Variants in CBX6 observed in about 807,000 individuals in gnomAD.
The protein encoded by CBX6 is chromobox protein homolog 6.
In CBX6, 7 loss-of-function variants were observed where a neutral mutation model predicts 28.4. The ratio of observed to expected loss-of-function variants is 0.25; its 90% CI spans 0.14 to 0.46. The LOEUF (loss-of-function observed/expected upper bound fraction) is 0.46. Among genes scored for constraint, CBX6 ranks in the 20% least tolerant of loss-of-function variants. The pLI is 0.99. For missense variants in CBX6, 512 were observed against 606.1 expected (o/e 0.84, Z 1.63); for synonymous variants, 297 against 273.4 (o/e 1.09, Z -0.85).
Position 38,871,277 on chromosome 22 carries a change from C to T in CBX6, c.246+203G>A. 1.5e-6 allele frequency: 1 copy of T among 656,118 alleles called. No individual in the cohort carries two copies. Among genetic ancestry groups the T allele is most frequent in the Non-Finnish European group, 2.7e-6 (1 of 368,020 alleles). The allele number at this position is 656,118 out of a possible 1,614,324, so 40.6% of individuals were successfully genotyped here. On this transcript the variant is annotated intron_variant, in intron 4 of 4. Coordinates refer to ENST00000407418, the MANE Select transcript of CBX6 (RefSeq NM_014292.5). The surrounding 1 kb of genome is among the most constrained non-coding windows in gnomAD (Gnocchi z 5.6). ...GGAGGATTATCCCCAGTCCCAAAAC[C>T]CTCTTGTTGAAGCTGATGCTGGCTG...
chr22:38,871,828 C>A lies in CBX6; in HGVS notation c.114-71G>T. 6.3e-7 allele frequency: 1 copy of A among 1,575,880 alleles called. No homozygotes were observed. The highest frequency in any genetic ancestry group is 8.6e-7 in the Non-Finnish European group (1 of 1,157,778). ...GACAGGCACGCGGCGAGAGCAAGAG[C>A]GCGCACCCCCACCCCAGGCCCCGGT... On this transcript the variant is annotated intron_variant, in intron 2 of 4. Transcript: ENST00000407418. This position sits in a 1 kb window ranked among gnomAD's most constrained non-coding sequence, Gnocchi z 5.6.
rs2093172393 is a variant in CBX6 at position 38,867,088 on chromosome 22, C to G, written c.360G>C (p.Lys120Asn). The G allele has an allele frequency of 6.3e-7, 1 of 1,599,584 alleles. No individual in the cohort carries two copies. Among genetic ancestry groups the G allele is most frequent in the African/African-American group, 1.3e-5 (1 of 74,568 alleles). The stretch of plus-strand genomic sequence containing the variant: ...TACGGTGGCAGCGGCGGATGTCCTT[C>G]TTGAGCCGGTGCACGGCTGCGCTGG... ...LHSSAAVHRL[K>N]KDIRRCHRMS... is the part of the protein sequence containing the mutation. The change falls in exon 5 of 5, where the codon AAG (lysine) becomes AAC (asparagine). Residue 120 changes from lysine to asparagine, a missense_variant. Lys to Asn is a moderately conservative substitution (Grantham distance 94). This residue lies in a region of CBX6 where 123 missense variants were observed against 138.1 expected (regional missense o/e 0.89). Transcript: ENST00000407418.
At chr22:38,868,311 G>A (rs1365298312) in intron 4 of CBX6, among the ~76,000 whole-genome samples, 5 of 152,192 alleles carry the variant, frequency 3.3e-5, no homozygotes, top group African/African-American at 9.7e-5. Context: ...GTGGGCAGTG[G>A]GAATATGAAG....
chr22:38,869,004 G>T (rs993770294), intron 4 of CBX6, among the ~76,000 whole-genome samples: 1 of 152,212 alleles, frequency 6.6e-6, no homozygotes, highest in Non-Finnish European at 1.5e-5. Context: ...GCCTCCTGGG[G>T]CTGCTTGGTT....
Position 38,871,355 on chromosome 22 carries a change from TG to T in CBX6, c.246+124del. The stretch of plus-strand genomic sequence containing the variant: ...GGCTCACAACCACCCCCTGCCCAGC[TG>T]GGGCCCCTCTGAAAAGGCCGGCCCG... On this transcript the variant is annotated intron_variant, in intron 4 of 4. Transcript: ENST00000407418. This position sits in a 1 kb window ranked among gnomAD's most constrained non-coding sequence, Gnocchi z 5.6. 3.3e-6 allele frequency: 3 copies of T among 920,702 alleles called. No individual in the cohort carries two copies. The highest frequency in any genetic ancestry group is 5.0e-6 in the Non-Finnish European group (3 of 601,416). The allele number at this position is 920,702 out of a possible 1,614,324, so 57.0% of individuals were successfully genotyped here.
Position 38,862,744 on chromosome 22 carries a change from G to C in CBX6, c.*3465C>G, listed in dbSNP as rs940866537. ...CCCTCCAGCCTTGGGCGGGCCCACC[G>C]GCCTGGCTCTCCTCCAGGACCTCCT... On this transcript the variant is annotated 3_prime_UTR_variant, in exon 5 of 5. Coordinates refer to ENST00000407418, the MANE Select transcript of CBX6 (RefSeq NM_014292.5). 6.6e-6 allele frequency: 1 copy of C among 152,228 alleles called. No individual in the cohort carries two copies. Among genetic ancestry groups the C allele is most frequent in the African/African-American group, 2.4e-5 (1 of 41,430 alleles). 9.4% of individuals were successfully genotyped at this position (152,228 alleles called of 1,614,324 possible).
rs1275213052 is a variant in CBX6 at position 38,872,139 on chromosome 22, T to C, written c.52A>G (p.Lys18Glu). 7.0e-7 allele frequency: 1 copy of C among 1,426,712 alleles called. No individual in the cohort carries two copies. The highest frequency in any genetic ancestry group is 9.3e-7 in the Non-Finnish European group (1 of 1,075,184). 88.4% of individuals were successfully genotyped at this position (1,426,712 alleles called of 1,614,324 possible). A position where few individuals can be genotyped will look rare whatever the true frequency, so the allele number is the denominator to read the frequency against. Residue 18 changes from lysine (K) to glutamate (E), a missense_variant, in exon 1 of 5, where the codon AAA (lysine) becomes GAA (glutamate). Physicochemically the swap from Lys to Glu is moderately conservative, Grantham distance 56. Transcript: ENST00000407418. This position sits in a 1 kb window ranked among gnomAD's most constrained non-coding sequence, Gnocchi z 5.0. ...CGGCTCACCTTTCGGATCCGCCGTT[T>C]GATGATGGATTCGGCCGCGAAGACC... is the stretch of plus-strand genomic sequence containing the variant. ...ERVFAAESII[K>E]RRIRKGRIEY...
In CBX6 at chr22:38,866,422, C is replaced by A. The variant is rs747654407; in HGVS notation, c.1026G>T (p.Thr342=). 3.7e-6 allele frequency: 6 copies of A among 1,610,952 alleles called. No homozygotes were observed. Among genetic ancestry groups the A allele is most frequent in the Admixed American group, 1.7e-5 (1 of 59,916 alleles). The change falls in exon 5 of 5, where the codon ACG becomes ACT. Residue 342 remains threonine (T), a synonymous_variant. Coordinates refer to ENST00000407418, the MANE Select transcript of CBX6 (RefSeq NM_014292.5). The surrounding 1 kb of genome is among the most constrained non-coding windows in gnomAD (Gnocchi z 7.5). The stretch of plus-strand genomic sequence containing the variant: ...AGGAGGCACCGGCGGGCTCAGGGGC[C>A]GTGGGAGGTGCCGGGCCGGCAGCAG... ...VTAAAGPAPP[T]APEPAGASSE...
At chr22:38,868,456 C>T in intron 4 of CBX6, among the ~76,000 whole-genome samples, 1 of 152,222 alleles carries the variant, frequency 6.6e-6, no homozygotes, top group Non-Finnish European at 1.5e-5. Flanking sequence ...GACTGCACCC[C>T]AGACAGTTCC....
At position 38,871,444 on chromosome 22, in the gene CBX6, C is replaced by G; in HGVS notation, c.246+36G>C. ...CCGTGCTGTGCCGGGGCTGGGGGCC[C>G]GAGAGGGGGATGCTGCTGGGGCTGG... On this transcript the variant is annotated intron_variant, in intron 4 of 4. Transcript: ENST00000407418. The surrounding 1 kb of genome is among the most constrained non-coding windows in gnomAD (Gnocchi z 5.6). 3 of 1,579,074 alleles carry G rather than the reference C, an allele frequency of 1.9e-6. No individual in the cohort carries two copies. The highest frequency in any genetic ancestry group is 2.3e-5 in the South Asian group (2 of 87,192).
chr22:38,866,573 G>A lies in CBX6; in HGVS notation c.875C>T (p.Pro292Leu), dbSNP rs17850867. Residue 292 changes from proline to leucine, a missense_variant, in exon 5 of 5, where the codon CCC becomes CTC. Physicochemically the swap from Pro to Leu is moderately conservative, Grantham distance 98. Transcript: ENST00000407418. This position sits in a 1 kb window ranked among gnomAD's most constrained non-coding sequence, Gnocchi z 7.5. ...CACGGTCTCGGGGAGGAGCTTGGGG[G>A]GCGTGTCGTCGGGGTCAGAGGACTG... ...TPQSSDPDDT[P>L]PKLLPETVSP... The A allele has an allele frequency of 1.3e-6, 2 of 1,576,386 alleles. No homozygotes were observed. Among genetic ancestry groups the A allele is most frequent in the East Asian group, 2.3e-5 (1 of 44,014 alleles).
rs1163804191 is a variant in CBX6 at position 38,871,774 on chromosome 22, G to C, written c.114-17C>G. 4 of 1,605,378 alleles carry C rather than the reference G, an allele frequency of 2.5e-6. No individual in the cohort carries two copies. The highest frequency in any genetic ancestry group is 3.4e-6 in the Non-Finnish European group (4 of 1,174,482). Reference sequence around the variant, plus strand: ...GTGCTGTACCTGCCGAGTCACAAACGCACAAAATCAGGATGAAGACCAGAG... The same window carrying C: ...GTGCTGTACCTGCCGAGTCACAAACCCACAAAATCAGGATGAAGACCAGAG... On this transcript the variant is annotated splice_polypyrimidine_tract_variant and intron_variant, in intron 2 of 4. Transcript: ENST00000407418. The surrounding 1 kb of genome is among the most constrained non-coding windows in gnomAD (Gnocchi z 5.6).
Position 38,871,449 on chromosome 22 carries a change from G to C in CBX6, c.246+31C>G, listed in dbSNP as rs200885581. 13 of 1,586,146 alleles carry C rather than the reference G, an allele frequency of 8.2e-6. No individual in the cohort carries two copies. In the African/African-American group the frequency reaches 1.5e-4, roughly 18 times the overall value. On this transcript the variant is annotated intron_variant, in intron 4 of 4. Transcript: ENST00000407418. The surrounding 1 kb of genome is among the most constrained non-coding windows in gnomAD (Gnocchi z 5.6). ...CTGTGCCGGGGCTGGGGGCCCGAGA[G>C]GGGGATGCTGCTGGGGCTGGGCCAG...
rs1044150411 is a variant in CBX6 at position 38,863,097 on chromosome 22, T to C, written c.*3112A>G. 6.6e-6 allele frequency: 1 copy of C among 152,192 alleles called. No individual in the cohort carries two copies. Among genetic ancestry groups the C allele is most frequent in the Non-Finnish European group, 1.5e-5 (1 of 68,044 alleles). The allele number at this position is 152,192 out of a possible 1,614,324, so 9.4% of individuals were successfully genotyped here. On this transcript the variant is annotated 3_prime_UTR_variant, in exon 5 of 5. Transcript: ENST00000407418. ...GCTGGGGGCCCCAGTACCAGCAACCTTGACCCCCCACCTGGTACTGGGCAG... is the reference window on the plus strand; with the variant it reads ...GCTGGGGGCCCCAGTACCAGCAACCCTGACCCCCCACCTGGTACTGGGCAG...
Position 38,867,005 on chromosome 22 carries a change from G to A in CBX6, c.443C>T (p.Pro148Leu). The A allele has an allele frequency of 1.9e-6, 3 of 1,607,056 alleles. No homozygotes were observed. The highest frequency in any genetic ancestry group is 2.7e-5 in the African/African-American group (2 of 74,892). ...CGTCTCCGAGAAGGGCGAAATGGGC[G>A]GGCGCAGTCCGGGGCTGCCCCCCTG... ...DPQGGSPGLR[P>L]PISPFSETVR... The change falls in exon 5 of 5, where the codon CCG becomes CTG. Residue 148 changes from proline to leucine, a missense_variant. Pro to Leu is a moderately conservative substitution (Grantham distance 98, BLOSUM62 -3). Coordinates refer to ENST00000407418, the MANE Select transcript of CBX6 (RefSeq NM_014292.5).
Position 38,866,941 on chromosome 22 carries a change from G to C in CBX6, c.507C>G (p.Pro169=). The change falls in exon 5 of 5, where the codon CCC becomes CCG. Residue 169 remains proline, a synonymous_variant. Coordinates refer to ENST00000407418, the MANE Select transcript of CBX6 (RefSeq NM_014292.5). This position sits in a 1 kb window ranked among gnomAD's most constrained non-coding sequence, Gnocchi z 7.5. The part of the protein sequence containing the change: ...IINRKVKPRE[P]KRNRIILNLK... ...GGTTCAGGATGATGCGGTTCCGCTT[G>C]GGCTCCCGCGGCTTCACCTTGCGGT... 4 of 1,608,482 alleles carry C rather than the reference G, an allele frequency of 2.5e-6. No homozygotes were observed. The highest frequency in any genetic ancestry group is 1.7e-4 in the Middle Eastern group (1 of 6,042).
Position 38,871,617 on chromosome 22 carries a change from C to T in CBX6, c.180-71G>A. On this transcript the variant is annotated intron_variant, in intron 3 of 4. Transcript: ENST00000407418. The surrounding 1 kb of genome is among the most constrained non-coding windows in gnomAD (Gnocchi z 5.6). ...CCCCACTCCGCGCTGCCCTCCCCGG[C>T]TCTCCCGCTTCCCCGCGCGGCGCCC... 1 of 1,611,266 alleles carries T rather than the reference C, an allele frequency of 6.2e-7. No homozygotes were observed. Among genetic ancestry groups the T allele is most frequent in the South Asian group, 1.1e-5 (1 of 90,982 alleles).
Position 38,872,074 on chromosome 22 carries a change from C to T in CBX6, c.69+48G>A, listed in dbSNP as rs777952127. The T allele has an allele frequency of 1.0e-5, 13 of 1,306,028 alleles. No homozygotes were observed. In the Admixed American group the frequency reaches 3.3e-4, roughly 33 times the overall value. The allele number at this position is 1,306,028 out of a possible 1,614,324, so 80.9% of individuals were successfully genotyped here. A position where few individuals can be genotyped will look rare whatever the true frequency, so the allele number is the denominator to read the frequency against. The stretch of plus-strand genomic sequence containing the variant: ...CGCTTCGCCCCGAGGGCCCCCGGCC[C>T]CGGCCCCGGCTGCGGACAGCGGCGG... On this transcript the variant is annotated intron_variant, in intron 1 of 4. Transcript: ENST00000407418. This position sits in a 1 kb window ranked among gnomAD's most constrained non-coding sequence, Gnocchi z 5.0.
chr22:38,867,228 G>GGGGCC, intron 4 of CBX6, 27 bp from the exon 5 acceptor site: 6 of 518,846 alleles, frequency 1.2e-5, no homozygotes, highest in African/African-American at 2.0e-5. Context: ...GGGTGGGTGG[G>GGGGCC]ACCTCAGGAC....
Sources: allele counts gnomAD v4.1 joint callset (sites outside exome capture counted in the v4.1 genomes callset), GRCh38; gene constraint gnomAD v4.1.1; regional missense constraint gnomAD v4.1.1; non-coding constraint Gnocchi (gnomAD v3.1); transcripts MANE v1.5; gene names NCBI Gene and HGNC (gene_info 2026-07-23, HGNC 2026-07-21).